FUT8: variants seen among roughly 807,000 people sequenced by gnomAD.
The protein encoded by FUT8 is alpha-(1,6)-fucosyltransferase.
Under a neutral mutation model 71.3 loss-of-function variants are expected in FUT8, and 29 were observed. That is an observed-to-expected ratio of 0.41 (90% CI 0.30 to 0.55). The LOEUF (loss-of-function observed/expected upper bound fraction) is 0.55. FUT8 is among the 20% of genes least tolerant of loss of function. FUT8 has a pLI of 0.34. For synonymous variants in FUT8, 254 were observed against 239.3 expected, an observed-to-expected ratio of 1.06 and a Z score of -0.57; for missense variants, 544 against 702.1, an observed-to-expected ratio of 0.77 and a Z score of 2.55.
chr14:65,455,704 A>C lies in FUT8; in HGVS notation c.-242A>C, dbSNP rs1378484866. The C allele has an allele frequency of 2.5e-6, 1 of 398,174 alleles. No individual in the cohort carries two copies. Among genetic ancestry groups the C allele is most frequent in the Non-Finnish European group, 4.4e-6 (1 of 225,900 alleles). The allele number at this position is 398,174 out of a possible 1,614,324, so 24.7% of individuals were successfully genotyped here. ...AGTGATTTTTTGCCTTTGTTGATTAACTGGACAAATTCAGGTTAGTGTATT... is the reference window on the plus strand; with the variant it reads ...AGTGATTTTTTGCCTTTGTTGATTACCTGGACAAATTCAGGTTAGTGTATT... On this transcript the variant is annotated 5_prime_UTR_variant, in exon 2 of 11. Coordinates refer to ENST00000673929, the MANE Select transcript of FUT8 (RefSeq NM_001371533.1).
intron 10 of FUT8, among the ~76,000 whole-genome samples, chr14:65,737,754 T>C (rs143757155): frequency 0.01 from 1,584 of 152,198 alleles, 29 homozygotes; most frequent in African/African-American, 0.037. Context: ...CATTAAAAGT[T>C]ATCATAATAC....
At chr14:65,408,448 T>G (rs1007489785), upstream of FUT8, among the ~76,000 whole-genome samples, 1 of 152,146 alleles carries the variant, frequency 6.6e-6, no homozygotes, top group African/African-American at 2.4e-5. Flanking sequence ...TTTGTATGTC[T>G]GGAAAGAGAG....
chr14:65,512,781 C>A (rs973645016), intron 2 of FUT8, among the ~76,000 whole-genome samples: 2 of 151,442 alleles, frequency 1.3e-5, no homozygotes, highest in African/African-American at 4.8e-5. Flanking sequence ...TGGTGGCGGG[C>A]GCCTGTAATC....
intron 1 of FUT8, among the ~76,000 whole-genome samples, chr14:65,437,267 G>C (rs2139460925): frequency 6.6e-6 from 1 of 152,178 alleles, no homozygotes; most frequent in East Asian, 1.9e-4. Context: ...CAGCAAAGCA[G>C]AAAGAAAAGA....
At chr14:65,530,741 T>C (rs1883892725) in intron 2 of FUT8, among the ~76,000 whole-genome samples, 2 of 151,742 alleles carry the variant, frequency 1.3e-5, no homozygotes, top group Non-Finnish European at 2.9e-5. Flanking sequence ...AGTACTTTAA[T>C]GCCCTACTGA....
chr14:65,386,503 CAAAAAAAAAAAAAAAAA>C, the FUT8 span, among the ~76,000 whole-genome samples: 1 of 46,870 alleles, frequency 2.1e-5, no homozygotes, highest in Non-Finnish European at 5.1e-5. Context: ...GACCTCGTCT[CAAAAAAAAAAAAAAAAA>C]AAAAAAAAAG....
intron 3 of FUT8, among the ~76,000 whole-genome samples, chr14:65,576,936 C>T (rs1259767582): frequency 4.0e-5 from 6 of 151,722 alleles, no homozygotes; most frequent in Non-Finnish European, 7.4e-5. Context: ...ATCTCCTGAC[C>T]TCGTGATCTG....
chr14:65,612,184 G>A (rs1889035555), intron 3 of FUT8, among the ~76,000 whole-genome samples: 1 of 151,986 alleles, frequency 6.6e-6, no homozygotes, highest in Non-Finnish European at 1.5e-5. Flanking sequence ...TACCTTGTTT[G>A]TTACTAGAAG....
chr14:65,474,874 T>G (rs1285243783), intron 2 of FUT8, among the ~76,000 whole-genome samples: 2 of 152,202 alleles, frequency 1.3e-5, no homozygotes, highest in Non-Finnish European at 2.9e-5. Flanking sequence ...GATTTATTGT[T>G]TATTTTTATT....
At chr14:65,531,035 G>A (rs562045798) in intron 2 of FUT8, among the ~76,000 whole-genome samples, 1 of 149,272 alleles carries the variant, frequency 6.7e-6, no homozygotes, top group African/African-American at 2.5e-5. Flanking sequence ...GTAAAATATG[G>A]TGTTTAAGTT....
intron 2 of FUT8, among the ~76,000 whole-genome samples, chr14:65,509,642 G>T (rs1882202837): frequency 6.6e-6 from 1 of 151,722 alleles, no homozygotes; most frequent in South Asian, 2.1e-4. Context: ...CACTTCTTTG[G>T]TTAATTCCTA....
At chr14:65,590,231 G>A (rs1451692536) in intron 3 of FUT8, among the ~76,000 whole-genome samples, 2 of 152,204 alleles carry the variant, frequency 1.3e-5, no homozygotes, top group Middle Eastern at 6.8e-3. Context: ...AGAAAATTGA[G>A]TATTTTAATA....
chr14:65,656,045 G>A (rs775185552), intron 6 of FUT8, among the ~76,000 whole-genome samples: 9 of 152,126 alleles, frequency 5.9e-5, no homozygotes, highest in Non-Finnish European at 1.0e-4. Flanking sequence ...AAGATCTGGA[G>A]CATGGCAAGG....
chr14:65,510,968 T>A (rs1189078856), intron 2 of FUT8, among the ~76,000 whole-genome samples: 1 of 152,140 alleles, frequency 6.6e-6, no homozygotes, highest in Non-Finnish European at 1.5e-5. Flanking sequence ...TTCCTCTTGC[T>A]TTTTTAGTCC....
At chr14:65,444,528 T>C (rs1414989337) in intron 1 of FUT8, among the ~76,000 whole-genome samples, 1 of 152,176 alleles carries the variant, frequency 6.6e-6, no homozygotes, top group Non-Finnish European at 1.5e-5. Flanking sequence ...ACAACCCAAA[T>C]GGTAATGTAC....
chr14:65,492,958 CCTCT>C (rs1261539024), intron 2 of FUT8, among the ~76,000 whole-genome samples: 1 of 152,000 alleles, frequency 6.6e-6, no homozygotes, highest in African/African-American at 2.4e-5. Context: ...CTCCCCACTC[CCTCT>C]CTGTCTCCCC....
intron 3 of FUT8, among the ~76,000 whole-genome samples, chr14:65,611,195 ACACGCGCGCGCGCGCG>A (rs1475343710): frequency 0.03 from 426 of 14,292 alleles, 50 homozygotes; most frequent in East Asian, 0.13. Context: ...ACACACACAC[ACACGCGCGCGCGCGCG>A]CGCGCGCGCG....
intron 3 of FUT8, among the ~76,000 whole-genome samples, chr14:65,605,917 T>C (rs1236152334): frequency 2.0e-5 from 3 of 152,026 alleles, no homozygotes; most frequent in Non-Finnish European, 4.4e-5. Flanking sequence ...TCATATACTT[T>C]GTACATTTTT....
At chr14:65,427,741 T>C (rs1355847737) in intron 1 of FUT8, among the ~76,000 whole-genome samples, 3 of 152,246 alleles carry the variant, frequency 2.0e-5, no homozygotes, top group Non-Finnish European at 4.4e-5. Context: ...CAAGTTCTAG[T>C]AAATTTATAT....
Sources: gnomAD v4.1 joint callset for allele counts (sites outside exome capture counted in the v4.1 genomes callset) on GRCh38, gnomAD v4.1.1 for gene constraint, MANE v1.5 for transcripts, NCBI Gene and HGNC (gene_info 2026-07-23, HGNC 2026-07-21) for gene names.